Variants in CTNND2 observed in about 807,000 individuals in gnomAD.
CTNND2 encodes the protein catenin delta 2.
Under a neutral mutation model 144.4 loss-of-function variants are expected in CTNND2, and 22 were observed. That is an observed-to-expected ratio of 0.15 (90% CI 0.11 to 0.22). CTNND2 has a LOEUF of 0.22. Among genes scored for constraint, CTNND2 ranks in the 10% least tolerant of loss-of-function variants. The probability of loss-of-function intolerance (pLI) is 1.00; values close to 1 mark genes in which losing one functional copy is unlikely to be tolerated. For synonymous variants in CTNND2, 751 were observed against 695.6 expected (o/e 1.08, Z -1.25); for missense variants, 1,353 against 1,618.8 (o/e 0.84, Z 2.82).
At chr5:11,613,363 T>G (rs754952214) in intron 2 of CTNND2, among the ~76,000 whole-genome samples, 1 of 152,194 alleles carries the variant, frequency 6.6e-6, no homozygotes, top group East Asian at 1.9e-4. Context: ...GTGCTTCTTA[T>G]TAAAACCACT....
chr5:11,169,890 A>G (rs893933703), intron 11 of CTNND2, among the ~76,000 whole-genome samples: 1 of 151,728 alleles, frequency 6.6e-6, no homozygotes, highest in African/African-American at 2.4e-5. Flanking sequence ...GAGTAAAAAG[A>G]GCAACAGCTT....
intron 9 of CTNND2, among the ~76,000 whole-genome samples, chr5:11,271,246 C>T (rs1328708391): frequency 2.0e-5 from 3 of 152,126 alleles, no homozygotes; most frequent in Non-Finnish European, 4.4e-5. Flanking sequence ...TATTTTACCA[C>T]CCACTAATGG....
intron 3 of CTNND2, among the ~76,000 whole-genome samples, chr5:11,559,054 G>A (rs1776471698): frequency 6.6e-6 from 1 of 152,192 alleles, no homozygotes; most frequent in South Asian, 2.1e-4. Context: ...GGTATGGCTG[G>A]CCAAGTGAGG....
At chr5:11,815,448 TTTATC>T (rs1792572239) in intron 1 of CTNND2, among the ~76,000 whole-genome samples, 1 of 152,192 alleles carries the variant, frequency 6.6e-6, no homozygotes, top group Non-Finnish European at 1.5e-5. Context: ...ATTAATGAAT[TTTATC>T]TTATAAAATC....
intron 2 of CTNND2, among the ~76,000 whole-genome samples, chr5:11,695,366 T>C (rs1785096241): frequency 6.6e-6 from 1 of 152,194 alleles, no homozygotes; most frequent in African/African-American, 2.4e-5. Flanking sequence ...GGAAAATCTT[T>C]GTGTCTTGAG....
rs147214201 is a variant in CTNND2 at position 11,178,664 on chromosome 5, G to C, written c.1976-18905C>G. ...ATTTGAGATGTAAGACATCAGTAGA[G>C]CCTAGCAGAATTTTACTCTTTAAAA... On this transcript the variant is annotated intron_variant, in intron 11 of 21. Coordinates refer to ENST00000304623, the MANE Select transcript of CTNND2 (RefSeq NM_001332.4). Among the ~76,000 whole-genome samples, 638 of 152,256 alleles carry C rather than the reference G, an allele frequency of 4.2e-3. 12 individuals carry two copies. Among genetic ancestry groups the C allele is most frequent in the Admixed American group, 0.035 (542 of 15,284 alleles).
At chr5:11,674,638 T>C (rs73743016) in intron 2 of CTNND2, among the ~76,000 whole-genome samples, 1,803 of 152,344 alleles carry the variant, frequency 0.012, 29 homozygotes, top group African/African-American at 0.042. Context: ...TGAATTTCTG[T>C]AGCGTTAGAG....
chr5:11,824,651 C>T (rs1429787351), intron 1 of CTNND2, among the ~76,000 whole-genome samples: 6 of 152,060 alleles, frequency 3.9e-5, no homozygotes, highest in East Asian at 1.9e-4. Context: ...TCAGAGATGC[C>T]GACGAGGTCC....
intron 1 of CTNND2, among the ~76,000 whole-genome samples, chr5:11,893,089 T>C (rs897863092): frequency 2.6e-5 from 4 of 152,188 alleles, no homozygotes; most frequent in African/African-American, 9.7e-5. Context: ...TACTGTAAAA[T>C]GCATGATTTA....
intron 9 of CTNND2, among the ~76,000 whole-genome samples, chr5:11,328,410 C>T (rs1197934985): frequency 5.9e-5 from 9 of 151,972 alleles, no homozygotes; most frequent in East Asian, 1.9e-4. Context: ...CCTCCTACCT[C>T]GGCCTCTGGA....
intron 3 of CTNND2, among the ~76,000 whole-genome samples, chr5:11,541,172 A>AC (rs532841801): frequency 7.5e-4 from 114 of 152,170 alleles, no homozygotes; most frequent in Non-Finnish European, 1.4e-3. Context: ...AGAGCTGTAG[A>AC]CCCCTAGGCT....
chr5:11,162,816 G>A (rs1758909757), intron 11 of CTNND2, among the ~76,000 whole-genome samples: 1 of 151,904 alleles, frequency 6.6e-6, no homozygotes, highest in African/African-American at 2.4e-5. Flanking sequence ...AGACAACTGA[G>A]ATGAAGATTT....
chr5:10,975,305 C>A (rs563079944), intron 21 of CTNND2, among the ~76,000 whole-genome samples: 1 of 152,236 alleles, frequency 6.6e-6, no homozygotes, highest in Admixed American at 6.5e-5. Flanking sequence ...AGGGAGGGAA[C>A]TAGATTTGCT....
intron 3 of CTNND2, 119 bp from the exon 4 acceptor site, chr5:11,412,188 C>T (rs1201418536): frequency 8.7e-6 from 6 of 692,208 alleles, no homozygotes; most frequent in Non-Finnish European, 1.5e-5. Flanking sequence ...CATTTCCTTT[C>T]ATTTCTTACT....
intron 8 of CTNND2, among the ~76,000 whole-genome samples, chr5:11,348,882 C>G (rs1755065175): frequency 6.6e-6 from 1 of 152,078 alleles, no homozygotes; most frequent in South Asian, 2.1e-4. Flanking sequence ...AACAGGAAGG[C>G]AACATCTTGG....
intron 11 of CTNND2, among the ~76,000 whole-genome samples, chr5:11,184,429 TA>T (rs1735414703): frequency 6.6e-6 from 1 of 152,138 alleles, no homozygotes; most frequent in Non-Finnish European, 1.5e-5. Flanking sequence ...ACTTATGAAT[TA>T]AAATCCATTT....
At chr5:11,364,412 C>T (rs1184009476) in intron 8 of CTNND2, among the ~76,000 whole-genome samples, 1 of 152,222 alleles carries the variant, frequency 6.6e-6, no homozygotes, top group Admixed American at 6.5e-5. Flanking sequence ...AAGTGAATAA[C>T]GATGGGCTTA....
chr5:11,507,492 C>T (rs1771178074), intron 3 of CTNND2, among the ~76,000 whole-genome samples: 1 of 152,158 alleles, frequency 6.6e-6, no homozygotes, highest in African/African-American at 2.4e-5. Context: ...CCTCCTTCCT[C>T]CGTTGCATAA....
chr5:11,371,775 T>G (rs1581039541), intron 7 of CTNND2, among the ~76,000 whole-genome samples: 2 of 152,210 alleles, frequency 1.3e-5, no homozygotes, highest in African/African-American at 4.8e-5. Flanking sequence ...TGCAAAGATA[T>G]AAAGACACAT....
Sources: gnomAD v4.1 joint callset for allele counts (sites outside exome capture counted in the v4.1 genomes callset) on GRCh38, gnomAD v4.1.1 for gene constraint, MANE v1.5 for transcripts, NCBI Gene and HGNC (gene_info 2026-07-23, HGNC 2026-07-21) for gene names.